The following SNX8 variants were observed in gnomAD, a reference collection of about 807,000 sequenced individuals.
The protein encoded by SNX8 is sorting nexin 8.
A neutral mutation model predicts 51.6 loss-of-function variants in SNX8; 25 were observed. The ratio of observed to expected loss-of-function variants is 0.48; its 90% CI spans 0.35 to 0.68. SNX8 has a LOEUF of 0.68. Among genes scored for constraint, SNX8 ranks in the 30% least tolerant of loss-of-function variants. The pLI is 0.00. For synonymous variants in SNX8, 324 were observed against 277.0 expected (o/e 1.17, Z -1.68); for missense variants, 695 against 624.0 (o/e 1.11, Z -1.21).
At chr7:2,330,106 C>T (rs1027238801) in intron 1 of SNX8, among the ~76,000 whole-genome samples, 31 of 148,166 alleles carry the variant, frequency 2.1e-4, no homozygotes, top group African/African-American at 7.5e-4. Flanking sequence ...GCTGGGATTA[C>T]AGGCATGAGC....
chr7:2,308,751 G>T (rs1021703454), intron 1 of SNX8, among the ~76,000 whole-genome samples: 9 of 151,008 alleles, frequency 6.0e-5, no homozygotes, highest in African/African-American at 2.2e-4. Context: ...ATACTGTGGG[G>T]CATAATTTAA....
At chr7:2,290,088 G>A (rs1796118766) in intron 1 of SNX8, among the ~76,000 whole-genome samples, 1 of 152,188 alleles carries the variant, frequency 6.6e-6, no homozygotes. Context: ...AGCTACTCAG[G>A]AGGCTGAGGA....
chr7:2,269,891 A>T (rs1257903634), intron 4 of SNX8, among the ~76,000 whole-genome samples: 1 of 152,110 alleles, frequency 6.6e-6, no homozygotes, highest in Non-Finnish European at 1.5e-5. Context: ...CAGCCACTCC[A>T]TCCGCAGACG....
chr7:2,340,271 C>T (rs1422807432), intron 1 of SNX8, among the ~76,000 whole-genome samples: 1 of 150,232 alleles, frequency 6.7e-6, no homozygotes, highest in African/African-American at 2.4e-5. Flanking sequence ...GGGGTTTCTC[C>T]ATGTTGGTCA....
intron 1 of SNX8, among the ~76,000 whole-genome samples, chr7:2,338,966 A>G (rs1562462923): frequency 1.3e-5 from 2 of 152,170 alleles, no homozygotes; most frequent in Admixed American, 1.3e-4. Flanking sequence ...GCTGGAGTGC[A>G]CTGGCACAAT....
chr7:2,310,456 T>C (rs979276750), intron 1 of SNX8, among the ~76,000 whole-genome samples: 1 of 152,008 alleles, frequency 6.6e-6, no homozygotes, highest in African/African-American at 2.4e-5. Flanking sequence ...AGACTGTCTC[T>C]ACAAAAAATT....
At chr7:2,260,290 G>T (rs2115095901) in intron 7 of SNX8, among the ~76,000 whole-genome samples, 1 of 152,238 alleles carries the variant, frequency 6.6e-6, no homozygotes, top group South Asian at 2.1e-4. Flanking sequence ...TAGAGATGGG[G>T]TTTCACCATG....
chr7:2,346,855 G>A (rs1583129365), intron 1 of SNX8, among the ~76,000 whole-genome samples: 2 of 148,712 alleles, frequency 1.3e-5, no homozygotes, highest in East Asian at 2.0e-4. Context: ...GGGAGGTGGA[G>A]GCTGCAGTGA....
rs1584657139 is a variant in SNX8 at position 2,254,093 on chromosome 7, A to G, written c.*963T>C. The G allele has an allele frequency of 6.6e-6, 1 of 152,538 alleles. No homozygotes were observed. The highest frequency in any genetic ancestry group is 2.4e-5 in the African/African-American group (1 of 41,446). 9.4% of individuals were successfully genotyped at this position (152,538 alleles called of 1,614,324 possible). ...GAGCAGGGAAGGGGCCTGAAAGACC[A>G]CTGGTTCCCTCTGTGAGCAGGTGGC... On this transcript the variant is annotated 3_prime_UTR_variant, in exon 11 of 11. Transcript: ENST00000222990.
At chr7:2,272,440 TCTCGG>T (rs1022018281) in intron 3 of SNX8, among the ~76,000 whole-genome samples, 3 of 151,604 alleles carry the variant, frequency 2.0e-5, no homozygotes, top group Admixed American at 6.6e-5. Flanking sequence ...AGTGGCGCAA[TCTCGG>T]CTCACTGCTA....
rs113848873 is a variant in SNX8, at chr7:2,351,826, A to G, written c.-66+2396T>C. ...AGCCTGGGCGACAGAGTGAGACTCC[A>G]TCTCAAAAAATAAATAAATAAATAA... On this transcript the variant is annotated intron_variant, in intron 1 of 5. Transcript: ENST00000435336. Among the ~76,000 whole-genome samples the G allele has an allele frequency of 3.2e-3, 489 of 151,670 alleles. 1 individual carries two copies. Among genetic ancestry groups the G allele is most frequent in the African/African-American group, 6.9e-3 (284 of 41,378 alleles).
chr7:2,277,424 C>T (rs1166945404), intron 2 of SNX8, among the ~76,000 whole-genome samples: 2 of 152,166 alleles, frequency 1.3e-5, no homozygotes, highest in South Asian at 2.1e-4. Context: ...TTCTAATCCT[C>T]GGGGGTTTCC....
intron 1 of SNX8, chr7:2,288,329 G>A (rs1212900952): frequency 3.5e-5 from 5 of 144,784 alleles, no homozygotes; most frequent in South Asian, 4.4e-4. Flanking sequence ...CAGCCTAGGC[G>A]ACAGAGCAAG....
intron 1 of SNX8, among the ~76,000 whole-genome samples, chr7:2,335,928 C>G (rs773634694): frequency 2.6e-5 from 4 of 151,732 alleles, no homozygotes; most frequent in African/African-American, 4.8e-5. Context: ...ATGGTGAAAC[C>G]CCATCTCTAC....
At chr7:2,347,411 G>A (rs1779051841) in intron 1 of SNX8, among the ~76,000 whole-genome samples, 2 of 149,246 alleles carry the variant, frequency 1.3e-5, no homozygotes, top group Non-Finnish European at 3.0e-5. Context: ...AACCTAGGAG[G>A]TGGAGATTGC....
intron 1 of SNX8, among the ~76,000 whole-genome samples, chr7:2,299,665 T>C (rs1796350328): frequency 6.6e-6 from 1 of 152,210 alleles, no homozygotes; most frequent in Non-Finnish European, 1.5e-5. Context: ...CACCCATGCC[T>C]GGTTTCTTGC....
In SNX8 at chr7:2,332,578, A is replaced by T. The variant is rs1316571470; in HGVS notation, c.-66+21644T>A. 2.6e-5 allele frequency among the ~76,000 whole-genome samples: 4 copies of T among 151,626 alleles called. No individual in the cohort carries two copies. The East Asian group carries it at 7.8e-4, about 29-fold the overall frequency. On this transcript the variant is annotated intron_variant, in intron 1 of 5. Transcript: ENST00000435336. ...GACAAGCCTGGACAACCATACTGAG[A>T]CCCCATCTCTACCAAAAATTTAAAA...
intron 2 of SNX8, among the ~76,000 whole-genome samples, chr7:2,275,456 C>G (rs541428602): frequency 4.6e-5 from 7 of 150,996 alleles, no homozygotes; most frequent in African/African-American, 1.7e-4. Flanking sequence ...TCTCAGCATT[C>G]TGGGAGGTTG....
chr7:2,349,357 A>C (rs1779096636), intron 1 of SNX8, among the ~76,000 whole-genome samples: 1 of 151,852 alleles, frequency 6.6e-6, no homozygotes, highest in Non-Finnish European at 1.5e-5. Flanking sequence ...TATCTCCCAA[A>C]TTATTTTCCT....
Sources: allele counts gnomAD v4.1 joint callset (sites outside exome capture counted in the v4.1 genomes callset), GRCh38; gene constraint gnomAD v4.1.1; transcripts MANE v1.5; gene names NCBI Gene and HGNC (gene_info 2026-07-23, HGNC 2026-07-21).